The following SLC13A3 variants were observed in gnomAD, a reference collection of about 807,000 sequenced individuals.
SLC13A3 encodes the protein solute carrier family 13 member 3.
A neutral mutation model predicts 59.0 loss-of-function variants in SLC13A3; 40 were observed. The observed-to-expected ratio is 0.68, with a 90% CI of 0.53 to 0.88. The LOEUF (loss-of-function observed/expected upper bound fraction) is 0.88, where lower values mean the gene tolerates loss of function less well. Ranked by LOEUF, SLC13A3 falls within the 40% of genes least tolerant of loss-of-function variation. SLC13A3 has a pLI of 0.00. For synonymous variants in SLC13A3, 317 were observed against 330.3 expected (o/e 0.96, Z 0.44); for missense variants, 699 against 783.2 (o/e 0.89, Z 1.28).
chr20:46,579,383 C>T (rs182319452), intron 9 of SLC13A3, among the ~76,000 whole-genome samples: 30 of 152,312 alleles, frequency 2.0e-4, no homozygotes, highest in Admixed American at 8.5e-4. Context: ...CCTCAGCCTT[C>T]CAAAGTACTG....
chr20:46,587,361 G>GA (rs144266168), intron 8 of SLC13A3, among the ~76,000 whole-genome samples: 3 of 151,780 alleles, frequency 2.0e-5, no homozygotes, highest in Non-Finnish European at 2.9e-5. Flanking sequence ...ACTGCTCACA[G>GA]AAAAAAAACA....
At chr20:46,563,746 CAG>C (rs1179150213) in intron 11 of SLC13A3, among the ~76,000 whole-genome samples, 195 bp from the exon 12 acceptor site, 5 of 151,930 alleles carry the variant, frequency 3.3e-5, no homozygotes, top group African/African-American at 9.7e-5. Context: ...GTTAGAGAGA[CAG>C]AGAGAGAAAG....
intron 1 of SLC13A3, among the ~76,000 whole-genome samples, chr20:46,666,261 C>T (rs1238896580): frequency 6.6e-6 from 1 of 152,228 alleles, no homozygotes; most frequent in Non-Finnish European, 1.5e-5. Flanking sequence ...CCTCATTATA[C>T]CGTGGAGAGA....
At chr20:46,589,285 GC>G (rs1462173115) in intron 6 of SLC13A3, 30 bp from the exon 7 acceptor site, 1 of 1,581,032 alleles carries the variant, frequency 6.3e-7, no homozygotes, top group Non-Finnish European at 8.7e-7. Flanking sequence ...ATTAGGAGTG[GC>G]CACTGCAGGT....
intron 1 of SLC13A3, among the ~76,000 whole-genome samples, chr20:46,666,180 T>C (rs2063061543): frequency 1.3e-5 from 2 of 152,166 alleles, no homozygotes; most frequent in South Asian, 4.1e-4. Context: ...CACAGATAAT[T>C]TTATGTCAGG....
At chr20:46,643,505 A>T (rs1173359765) in intron 1 of SLC13A3, among the ~76,000 whole-genome samples, 1 of 152,102 alleles carries the variant, frequency 6.6e-6, no homozygotes, top group Admixed American at 6.6e-5. Flanking sequence ...ATATTTAAGG[A>T]GCAGTAAGAA....
chr20:46,667,871 T>C (rs2063069953), intron 1 of SLC13A3, among the ~76,000 whole-genome samples: 1 of 152,246 alleles, frequency 6.6e-6, no homozygotes, highest in African/African-American at 2.4e-5. Flanking sequence ...TTTGGTAATC[T>C]TGCACAATTT....
chr20:46,585,798 C>A (rs775181830), intron 8 of SLC13A3: 29 of 1,279,110 alleles, frequency 2.3e-5, no homozygotes, highest in Non-Finnish European at 2.9e-5. Flanking sequence ...GTAAGAGCAA[C>A]AAGAGCTTCA....
At chr20:46,583,695 G>A (rs376510191) in intron 8 of SLC13A3, 26 bp from the exon 9 acceptor site, 367 of 1,613,578 alleles carry the variant, frequency 2.3e-4, no homozygotes, top group Non-Finnish European at 2.7e-4. Flanking sequence ...CCCAAATCAC[G>A]TGACCATGGG....
intron 3 of SLC13A3, among the ~76,000 whole-genome samples, chr20:46,601,090 G>C (rs180881109): frequency 5.3e-5 from 8 of 152,250 alleles, no homozygotes; most frequent in African/African-American, 1.2e-4. Context: ...CATGTGCTGG[G>C]AAAGAGGTGT....
intron 1 of SLC13A3, among the ~76,000 whole-genome samples, chr20:46,643,184 C>T (rs2062860959): frequency 6.6e-6 from 1 of 152,034 alleles, no homozygotes; most frequent in Admixed American, 6.6e-5. Flanking sequence ...GAGCTTATAC[C>T]CCATGGGTGG....
chr20:46,667,382 C>T (rs1426076731), intron 1 of SLC13A3, among the ~76,000 whole-genome samples: 4 of 152,114 alleles, frequency 2.6e-5, no homozygotes, highest in African/African-American at 9.7e-5. Context: ...CATATTTTAC[C>T]GGTGGGCCTG....
At chr20:46,627,364 C>T (rs184762261) in intron 1 of SLC13A3, among the ~76,000 whole-genome samples, 7 of 152,188 alleles carry the variant, frequency 4.6e-5, no homozygotes, top group Non-Finnish European at 1.0e-4. Flanking sequence ...CCAAGCTTAA[C>T]AGTAACTTAC....
intron 10 of SLC13A3, among the ~76,000 whole-genome samples, chr20:46,575,118 G>A (rs1268234946): frequency 6.6e-6 from 1 of 152,066 alleles, no homozygotes; most frequent in Non-Finnish European, 1.5e-5. Flanking sequence ...TCCAACCTGG[G>A]TGACAGAGTG....
At chr20:46,672,188 CT>C (rs554011287), upstream of SLC13A3, among the ~76,000 whole-genome samples, 86 of 152,366 alleles carry the variant, frequency 5.6e-4, no homozygotes, top group South Asian at 7.7e-3. Context: ...TGCCTCTCTA[CT>C]GCCTGGCACA....
chr20:46,563,986 A>C (rs1287286499), intron 11 of SLC13A3, among the ~76,000 whole-genome samples: 1 of 152,164 alleles, frequency 6.6e-6, no homozygotes, highest in Non-Finnish European at 1.5e-5. Flanking sequence ...GGCTGGCCCC[A>C]CCTCACCCAG....
In SLC13A3 at chr20:46,649,603, T is replaced by C. The variant is rs561902436; in HGVS notation, c.111+1708A>G. On this transcript the variant is annotated intron_variant, in intron 1 of 12. Transcript: ENST00000279027. ...CCACCCACACTTCCACCAAAGATGT[T>C]TCACAAAGCCTTACTCAACCTCTCA... Among the ~76,000 whole-genome samples the C allele has an allele frequency of 2.0e-5, 3 of 152,276 alleles. No individual in the cohort carries two copies. The East Asian group carries it at 5.8e-4, about 29-fold the overall frequency.
intron 8 of SLC13A3, among the ~76,000 whole-genome samples, chr20:46,587,409 TCTGGCCCTCC>T (rs1360902439): frequency 6.6e-6 from 1 of 152,138 alleles, no homozygotes; most frequent in African/African-American, 2.4e-5. Context: ...GACACTCTGA[TCTGGCCCTCC>T]CCTACCTTTC....
chr20:46,575,205 T>C lies in SLC13A3; in HGVS notation c.1332+368A>G, dbSNP rs532586229. ...ATTGCCCAGGCTGATCTTGGACTCCTGGCCTGAAGCCATCCTTCCACCTCC... is the reference window on the plus strand; with the variant it reads ...ATTGCCCAGGCTGATCTTGGACTCCCGGCCTGAAGCCATCCTTCCACCTCC... On this transcript the variant is annotated intron_variant, in intron 10 of 12. Transcript: ENST00000279027. Among the ~76,000 whole-genome samples the C allele has an allele frequency of 2.0e-5, 3 of 152,330 alleles. No individual in the cohort carries two copies. The South Asian group carries it at 6.2e-4, about 32-fold the overall frequency.
Sources: allele counts gnomAD v4.1 joint callset (sites outside exome capture counted in the v4.1 genomes callset), GRCh38; gene constraint gnomAD v4.1.1; transcripts MANE v1.5; gene names NCBI Gene and HGNC (gene_info 2026-07-23, HGNC 2026-07-21).